RFC1: variants seen among roughly 807,000 people sequenced by gnomAD.
The protein encoded by RFC1 is replication factor C subunit 1, also known as A1 140 kDa subunit.
A neutral mutation model predicts 137.4 loss-of-function variants in RFC1; 37 were observed. The ratio of observed to expected loss-of-function variants is 0.27; its 90% confidence interval spans 0.21 to 0.35. The LOEUF (loss-of-function observed/expected upper bound fraction) is 0.35, where lower values mean the gene tolerates loss of function less well. Ranked by LOEUF, RFC1 falls within the 10% of genes least tolerant of loss-of-function variation. The pLI, the probability that RFC1 is intolerant of heterozygous loss-of-function variation, is 1.00. For synonymous variants in RFC1, 429 were observed against 455.7 expected, an observed-to-expected ratio of 0.94 and a Z score of 0.75; for missense variants, 1,205 against 1,358.5, an observed-to-expected ratio of 0.89 and a Z score of 1.78.
intron 22 of RFC1, among the ~76,000 whole-genome samples, chr4:39,294,611 A>G (rs1737873334): frequency 6.6e-6 from 1 of 152,062 alleles, no homozygotes; most frequent in South Asian, 2.1e-4. Context: ...TGGAGCTTGC[A>G]GTGAGCCAAG....
chr4:39,350,776 A>C (rs1741143561), intron 2 of RFC1, among the ~76,000 whole-genome samples: 1 of 152,240 alleles, frequency 6.6e-6, no homozygotes, highest in Admixed American at 6.5e-5. Flanking sequence ...TATTAGACGA[A>C]AACTCAGATC....
Position 39,299,358 on chromosome 4 carries a change from GTGT to G in RFC1, c.2808+660_2808+662del, listed in dbSNP as rs1471785022. Among the ~76,000 whole-genome samples, 8 of 152,160 alleles carry G rather than the reference GTGT, an allele frequency of 5.3e-5. No individual in the cohort carries two copies. In the East Asian group the frequency reaches 1.5e-3, roughly 29 times the overall value. On this transcript the variant is annotated intron_variant, in intron 21 of 24. Coordinates refer to ENST00000349703, the MANE Select transcript of RFC1 (RefSeq NM_002913.5). Reference sequence around the variant, plus strand: ...TCCCACTTCACACCTCTGTATTTCCGTGTGTGTGTCTTTAATTCCTCTAGTGCC... The same window carrying G: ...TCCCACTTCACACCTCTGTATTTCCGGTGTGTCTTTAATTCCTCTAGTGCC...
At chr4:39,304,623 A>G (rs531176927) in intron 15 of RFC1, among the ~76,000 whole-genome samples, 191 bp downstream of exon 15, 7 of 152,236 alleles carry the variant, frequency 4.6e-5, no homozygotes, top group African/African-American at 1.7e-4. Flanking sequence ...ATTCTTAGAA[A>G]CCTCTAAGAC....
chr4:39,341,455 A>C (rs1740601545), intron 4 of RFC1: 1 of 366,952 alleles, frequency 2.7e-6, no homozygotes, highest in Admixed American at 3.5e-5. Context: ...GTTTGGTAAA[A>C]ATTTTCCAAA....
At chr4:39,326,667 A>C in intron 5 of RFC1, 27 bp from the exon 6 acceptor site, 1 of 1,586,998 alleles carries the variant, frequency 6.3e-7, no homozygotes, top group South Asian at 1.1e-5. Flanking sequence ...ATCAAGCAAA[A>C]TCAGCATAAA....
intron 17 of RFC1, 24 bp downstream of exon 17, chr4:39,302,713 G>GA (rs748002907): frequency 1.6e-5 from 25 of 1,551,396 alleles, no homozygotes; most frequent in South Asian, 2.5e-5. Flanking sequence ...TAGTGTGATG[G>GA]AAAAAAAATT....
chr4:39,355,097 ATAC>A (rs1161884410), intron 1 of RFC1, among the ~76,000 whole-genome samples: 15 of 34,994 alleles, frequency 4.3e-4, no homozygotes, highest in African/African-American at 1.2e-3. Context: ...AAAAAAAAAA[ATAC>A]ACACACACAC....
At chr4:39,336,482 A>G (rs1290800771) in intron 4 of RFC1, among the ~76,000 whole-genome samples, 2 of 152,250 alleles carry the variant, frequency 1.3e-5, no homozygotes, top group Non-Finnish European at 2.9e-5. Context: ...GAGTTATCAG[A>G]CTAGTAGGTG....
chr4:39,314,845 C>G (rs1464187679), intron 10 of RFC1, among the ~76,000 whole-genome samples: 1 of 152,102 alleles, frequency 6.6e-6, no homozygotes, highest in African/African-American at 2.4e-5. Flanking sequence ...CCCCTCCTGC[C>G]TTCTTAGAAA....
In RFC1 at chr4:39,326,511, A is replaced by G. The variant is rs1011610186; in HGVS notation, c.642+52T>C. Reference sequence around the variant, plus strand: ...TCAATTCAAAACCTGGCTGGACTAAATAGCTAGTCAGAATATCAAGTTACT... The same window carrying G: ...TCAATTCAAAACCTGGCTGGACTAAGTAGCTAGTCAGAATATCAAGTTACT... On this transcript the variant is annotated intron_variant, in intron 6 of 24. Coordinates refer to ENST00000349703, the MANE Select transcript of RFC1 (RefSeq NM_002913.5). The G allele has an allele frequency of 2.8e-6, 4 of 1,454,230 alleles. No individual in the cohort carries two copies. The African/African-American group carries it at 4.2e-5, about 15-fold the overall frequency. 90.1% of individuals were successfully genotyped at this position (1,454,230 alleles called of 1,614,324 possible).
At chr4:39,350,373 A>C (rs1741125710) in intron 2 of RFC1, among the ~76,000 whole-genome samples, 2 of 152,168 alleles carry the variant, frequency 1.3e-5, no homozygotes, top group East Asian at 3.8e-4. Context: ...TAAAAGATAT[A>C]AATTTACAGA....
chr4:39,342,522 T>C lies in RFC1; in HGVS notation c.209-55A>G, dbSNP rs1039992852. ...TTTGAAAAGAACTATTATAATATAG[T>C]GCATGTTTAAAGTAGTCACGGTGAA... is the stretch of plus-strand genomic sequence containing the variant. On this transcript the variant is annotated intron_variant, in intron 3 of 24. Transcript: ENST00000349703. 7.6e-5 allele frequency: 118 copies of C among 1,562,010 alleles called. 1 individual carries two copies. Among genetic ancestry groups the C allele is most frequent in the Admixed American group, 2.3e-4 (13 of 57,318 alleles).
chr4:39,311,673 C>T (rs1310965241), intron 11 of RFC1, 124 bp from the exon 12 acceptor site: 4 of 602,920 alleles, frequency 6.6e-6, no homozygotes, highest in Non-Finnish European at 1.1e-5. Context: ...ATTAAGATAA[C>T]ACTGGAATTA....
chr4:39,344,210 G>T (rs1410388841), intron 3 of RFC1, among the ~76,000 whole-genome samples: 11 of 151,914 alleles, frequency 7.2e-5, no homozygotes, highest in Admixed American at 7.2e-4. Context: ...GAAACTTTCT[G>T]AATTCTACCA....
chr4:39,292,692 T>C (rs1737751895), intron 22 of RFC1, among the ~76,000 whole-genome samples: 1 of 151,812 alleles, frequency 6.6e-6, no homozygotes, highest in South Asian at 2.1e-4. Flanking sequence ...CCCAGGCTGG[T>C]GTGCAGTGGT....
chr4:39,303,449 T>C (rs1738474731), intron 15 of RFC1, among the ~76,000 whole-genome samples: 1 of 150,702 alleles, frequency 6.6e-6, no homozygotes, highest in African/African-American at 2.5e-5. Context: ...AATATACAAC[T>C]GAGTTTTGAA....
At chr4:39,293,021 G>T (rs1385166925) in intron 22 of RFC1, among the ~76,000 whole-genome samples, 1 of 152,142 alleles carries the variant, frequency 6.6e-6, no homozygotes, top group African/African-American at 2.4e-5. Context: ...TTTACAAATT[G>T]TCTATGGGTC....
At chr4:39,316,399 T>C (rs1739242341) in intron 10 of RFC1, among the ~76,000 whole-genome samples, 1 of 152,128 alleles carries the variant, frequency 6.6e-6, no homozygotes. Context: ...ACCTTCCCCC[T>C]GCAGGAACAT....
intron 4 of RFC1, 69 bp downstream of exon 4, chr4:39,342,276 T>C: frequency 6.6e-7 from 1 of 1,506,698 alleles, no homozygotes. Context: ...AGGAGGTACA[T>C]TTAGACACCA....
Sources: gnomAD v4.1 joint callset for allele counts (sites outside exome capture counted in the v4.1 genomes callset) on GRCh38, gnomAD v4.1.1 for gene constraint, MANE v1.5 for transcripts, NCBI Gene and HGNC (gene_info 2026-07-23, HGNC 2026-07-21) for gene names.